The following FHOD3 variants were observed in gnomAD, a reference collection of about 807,000 sequenced individuals.
FHOD3 encodes the protein FH1/FH2 domain-containing protein 3.
Under a neutral mutation model 173.0 loss-of-function variants are expected in FHOD3, and 90 were observed. That is an observed-to-expected ratio of 0.52 (90% CI 0.44 to 0.62). The LOEUF (loss-of-function observed/expected upper bound fraction) is 0.62, where lower values mean the gene tolerates loss of function less well. FHOD3 is among the 20% of genes least tolerant of loss of function. The pLI, the probability that FHOD3 is intolerant of heterozygous loss-of-function variation, is 0.00. For synonymous variants in FHOD3, 828 were observed against 823.0 expected (o/e 1.01, Z -0.10); for missense variants, 1,945 against 2,034.7 (o/e 0.96, Z 0.85).
chr18:36,631,736 G>A (rs1388326485), intron 10 of FHOD3, among the ~76,000 whole-genome samples: 2 of 152,138 alleles, frequency 1.3e-5, no homozygotes, highest in Non-Finnish European at 2.9e-5. Context: ...AGTTTAGGTG[G>A]TCTAGCTCCA....
At chr18:36,698,154 C>A (rs2039390456) in intron 17 of FHOD3, among the ~76,000 whole-genome samples, 1 of 152,174 alleles carries the variant, frequency 6.6e-6, no homozygotes, top group African/African-American at 2.4e-5. Flanking sequence ...GGGCTGCCTC[C>A]CTCCCTGCCT....
intron 3 of FHOD3, among the ~76,000 whole-genome samples, chr18:36,416,414 C>T (rs957850404): frequency 9.9e-5 from 15 of 152,086 alleles, no homozygotes; most frequent in African/African-American, 2.4e-4. Context: ...GTGATGAGTC[C>T]GTAAGGTCTG....
rs1297444072 is a variant in FHOD3, at chr18:36,652,579, C to T, written c.1296C>T (p.Gly432=). 1.6e-5 allele frequency: 24 copies of T among 1,527,840 alleles called. No individual in the cohort carries two copies. Among genetic ancestry groups the T allele is most frequent in the Admixed American group, 3.9e-5 (2 of 50,842 alleles). The allele number at this position is 1,527,840 out of a possible 1,614,324, so 94.6% of individuals were successfully genotyped here. A position where few individuals can be genotyped will look rare whatever the true frequency, so the allele number is the denominator to read the frequency against. ...ASCQGKDSKV[G]AASGQSPTGR... is the part of the protein sequence containing the mutation. ...CCTGCTGGCCCAACAGCAAGGTCGG[C>T]GCTGCCTCAGGGCAGAGCCCCACTG... Residue 432 remains glycine, a synonymous_variant, in exon 12 of 29, where the codon GGC becomes GGT. Transcript: ENST00000590592.
intron 5 of FHOD3, among the ~76,000 whole-genome samples, chr18:36,527,738 C>G (rs1174677100): frequency 6.6e-6 from 1 of 152,034 alleles, no homozygotes; most frequent in East Asian, 1.9e-4. Context: ...GATATACCAC[C>G]AGTGTGGTAG....
intron 6 of FHOD3, among the ~76,000 whole-genome samples, chr18:36,583,457 C>G (rs1347677045): frequency 6.6e-6 from 1 of 152,216 alleles, no homozygotes; most frequent in Admixed American, 6.5e-5. Context: ...CCCTTCTCCT[C>G]CCCCACCTTG....
rs1253241184 is a variant in FHOD3, at chr18:36,769,355, C to T, written c.4715C>T (p.Ser1572Leu). Residue 1572 changes from serine (S) to leucine (L), a missense_variant, in exon 28 of 29, where the codon TCA becomes TTA. This residue lies in a region of FHOD3 where 354 missense variants were observed against 359.9 expected (regional missense o/e 0.98). Transcript: ENST00000590592. ...ADEIMDRIVKSATQVPSQRVV... is the reference protein window; with the variant it reads ...ADEIMDRIVKLATQVPSQRVV... Reference sequence around the variant, plus strand: ...GAGATCATGGACCGCATCGTCAAGTCAGCCACCCAAGTGCCCAGTCAGCGA... The same window carrying T: ...GAGATCATGGACCGCATCGTCAAGTTAGCCACCCAAGTGCCCAGTCAGCGA... 2 of 1,614,162 alleles carry T rather than the reference C, an allele frequency of 1.2e-6. No homozygotes were observed. The highest frequency in any genetic ancestry group is 2.2e-5 in the South Asian group (2 of 91,074).
At chr18:36,481,479 C>T (rs2053893396) in intron 3 of FHOD3, among the ~76,000 whole-genome samples, 2 of 151,390 alleles carry the variant, frequency 1.3e-5, no homozygotes, top group Admixed American at 6.6e-5. Flanking sequence ...ATAGCAGTCA[C>T]CACCCTCCCT....
intron 10 of FHOD3, among the ~76,000 whole-genome samples, chr18:36,641,951 T>C (rs2035337514): frequency 2.6e-5 from 3 of 114,154 alleles, no homozygotes; most frequent in African/African-American, 1.1e-4. Context: ...AAACTCGGTC[T>C]CAAAAAAAAA....
chr18:36,749,990 T>TA (rs1296682871), intron 24 of FHOD3, among the ~76,000 whole-genome samples: 1 of 152,140 alleles, frequency 6.6e-6, no homozygotes, highest in Non-Finnish European at 1.5e-5. Context: ...TGTCTTCTTT[T>TA]AAAAAGTGTC....
intron 5 of FHOD3, among the ~76,000 whole-genome samples, chr18:36,563,345 C>G (rs538726401): frequency 1.3e-5 from 2 of 152,288 alleles, no homozygotes; most frequent in South Asian, 2.1e-4. Flanking sequence ...AAAGCTTGCT[C>G]CCTAGTGCCA....
chr18:36,685,119 A>G (rs538862907), intron 15 of FHOD3, among the ~76,000 whole-genome samples: 1 of 152,318 alleles, frequency 6.6e-6, no homozygotes, highest in East Asian at 1.9e-4. Flanking sequence ...GTTATAATAT[A>G]CAGGAATTAT....
chr18:36,628,081 G>A (rs1170175438), intron 10 of FHOD3, among the ~76,000 whole-genome samples: 1 of 152,194 alleles, frequency 6.6e-6, no homozygotes, highest in Non-Finnish European at 1.5e-5. Flanking sequence ...GGAGAAATAT[G>A]TTTTAGAAAG....
rs563055639 is a variant in FHOD3, at chr18:36,753,532, A to G, written c.4233-1587A>G. Reference sequence around the variant, plus strand: ...AATGCTTCTATGAACTTTTGTGTAGAAGGTTTTGTGTGTACACATATTTTC... The same window carrying G: ...AATGCTTCTATGAACTTTTGTGTAGGAGGTTTTGTGTGTACACATATTTTC... On this transcript the variant is annotated intron_variant, in intron 24 of 28. Coordinates refer to ENST00000590592, the MANE Select transcript of FHOD3 (RefSeq NM_001281740.3). Among the ~76,000 whole-genome samples the G allele has an allele frequency of 2.6e-5, 4 of 152,322 alleles. No individual in the cohort carries two copies. The South Asian group carries it at 8.3e-4, about 32-fold the overall frequency.
At chr18:36,425,448 T>C (rs2050190024) in intron 3 of FHOD3, among the ~76,000 whole-genome samples, 1 of 152,158 alleles carries the variant, frequency 6.6e-6, no homozygotes, top group African/African-American at 2.4e-5. Flanking sequence ...CTTTTTAAAA[T>C]TTGTATTTAA....
At chr18:36,719,209 A>C in intron 19 of FHOD3, among the ~76,000 whole-genome samples, 1 of 152,368 alleles carries the variant, frequency 6.6e-6, no homozygotes. Flanking sequence ...TCAAGCCAGC[A>C]TTCTGCAGCT....
rs112396322 is a variant in FHOD3, at chr18:36,716,615, G to A, written c.2534-1217G>A. On this transcript the variant is annotated intron_variant, in intron 18 of 28. Coordinates refer to ENST00000590592, the MANE Select transcript of FHOD3 (RefSeq NM_001281740.3). ...TTAATGATAAGGAGGAAGCAGCAACGGAGACTGAGAAGGAGTAGCCAGATG... is the reference window on the plus strand; with the variant it reads ...TTAATGATAAGGAGGAAGCAGCAACAGAGACTGAGAAGGAGTAGCCAGATG... Among the ~76,000 whole-genome samples the A allele has an allele frequency of 4.8e-3, 725 of 152,306 alleles. 5 individuals are homozygous for A. Among genetic ancestry groups the A allele is most frequent in the African/African-American group, 0.015 (610 of 41,560 alleles).
chr18:36,603,878 A>T (rs373184522), intron 8 of FHOD3, among the ~76,000 whole-genome samples: 1 of 152,212 alleles, frequency 6.6e-6, no homozygotes, highest in Non-Finnish European at 1.5e-5. Context: ...AATTGTTCAC[A>T]TGTCAGGAAG....
chr18:36,354,270 A>G (rs984170829), intron 1 of FHOD3, among the ~76,000 whole-genome samples: 5 of 152,160 alleles, frequency 3.3e-5, no homozygotes, highest in Admixed American at 3.3e-4. Flanking sequence ...CTCAAATCAA[A>G]CTGCTGGTAT....
chr18:36,371,981 CCTT>C (rs113808722), intron 2 of FHOD3, among the ~76,000 whole-genome samples: 8,673 of 152,202 alleles, frequency 0.057, 790 homozygotes, highest in African/African-American at 0.19. Flanking sequence ...CCCTTTATCT[CCTT>C]CTACCAACTG....
Sources: gnomAD v4.1 joint callset for allele counts (sites outside exome capture counted in the v4.1 genomes callset) on GRCh38, gnomAD v4.1.1 for gene constraint, gnomAD v4.1.1 regional missense constraint, MANE v1.5 for transcripts, NCBI Gene and HGNC (gene_info 2026-07-23, HGNC 2026-07-21) for gene names.